Variants in PLCXD3 observed in about 807,000 individuals in gnomAD.
PLCXD3 encodes the protein PI-PLC X domain-containing protein 3.
A neutral mutation model predicts 25.5 loss-of-function variants in PLCXD3; 19 were observed. The observed-to-expected ratio is 0.75, with a 90% CI of 0.52 to 1.09. The LOEUF (loss-of-function observed/expected upper bound fraction) is 1.09, where lower values mean the gene tolerates loss of function less well. Among genes scored for constraint, PLCXD3 ranks in the 50% least tolerant of loss-of-function variants. PLCXD3 has a pLI of 0.00. For missense variants in PLCXD3, 411 were observed against 388.1 expected, an observed-to-expected ratio of 1.06 and a Z score of -0.50; for synonymous variants, 174 against 137.6, an observed-to-expected ratio of 1.26 and a Z score of -1.85.
At chr5:41,444,670 GATA>G (rs750330433) in intron 1 of PLCXD3, among the ~76,000 whole-genome samples, 1 of 151,982 alleles carries the variant, frequency 6.6e-6, no homozygotes, top group Non-Finnish European at 1.5e-5. Context: ...CATAATTACA[GATA>G]ATGATGTTAA....
At chr5:41,485,890 A>G (rs1482165972) in intron 1 of PLCXD3, among the ~76,000 whole-genome samples, 1 of 151,958 alleles carries the variant, frequency 6.6e-6, no homozygotes, top group Admixed American at 6.6e-5. Context: ...GATGTTCCAA[A>G]TTTTTTTTAG....
At chr5:41,501,075 T>C (rs574846101) in intron 1 of PLCXD3, among the ~76,000 whole-genome samples, 3 of 152,076 alleles carry the variant, frequency 2.0e-5, no homozygotes, top group African/African-American at 7.2e-5. Context: ...CAAGGATGTA[T>C]AGAAATTGCA....
chr5:41,434,015 A>G (rs1747176546), intron 1 of PLCXD3, among the ~76,000 whole-genome samples: 1 of 152,226 alleles, frequency 6.6e-6, no homozygotes. Flanking sequence ...GGGATGGCCC[A>G]GGCATTGCAA....
At chr5:41,337,089 G>T (rs535340602) in intron 2 of PLCXD3, among the ~76,000 whole-genome samples, 1 of 152,112 alleles carries the variant, frequency 6.6e-6, no homozygotes, top group Non-Finnish European at 1.5e-5. Context: ...AATGCCACCA[G>T]GGTAGGTTTT....
intron 1 of PLCXD3, among the ~76,000 whole-genome samples, chr5:41,481,102 TAA>T (rs554092157): frequency 3.6e-4 from 26 of 72,896 alleles, no homozygotes; most frequent in South Asian, 2.5e-3. Context: ...ACCTAATTTG[TAA>T]AAAAAAAAAA....
chr5:41,338,408 C>T (rs1421137466), intron 2 of PLCXD3, among the ~76,000 whole-genome samples: 1 of 151,928 alleles, frequency 6.6e-6, no homozygotes, highest in Non-Finnish European at 1.5e-5. Flanking sequence ...TTTATTTGAC[C>T]TGAGAATAGC....
chr5:41,357,946 C>T (rs951748287), intron 2 of PLCXD3, among the ~76,000 whole-genome samples: 4 of 152,066 alleles, frequency 2.6e-5, no homozygotes, highest in Admixed American at 6.5e-5. Context: ...TAAAGTAAAC[C>T]TAATTATTCT....
chr5:41,387,089 T>C (rs954592037), intron 1 of PLCXD3, among the ~76,000 whole-genome samples: 1 of 152,086 alleles, frequency 6.6e-6, no homozygotes, highest in Admixed American at 6.6e-5. Flanking sequence ...CATCTGTTAA[T>C]CTGTCCATTG....
At chr5:41,501,417 CGAACT>C (rs1448776217) in intron 1 of PLCXD3, among the ~76,000 whole-genome samples, 5 of 151,932 alleles carry the variant, frequency 3.3e-5, no homozygotes. Flanking sequence ...AGACATTATG[CGAACT>C]GAAATAAACC....
intron 2 of PLCXD3, among the ~76,000 whole-genome samples, chr5:41,346,963 C>T (rs182110136): frequency 2.3e-4 from 35 of 152,346 alleles, no homozygotes; most frequent in Non-Finnish European, 3.8e-4. Context: ...CTGTTATCAA[C>T]ATCCACGTGC....
intron 1 of PLCXD3, among the ~76,000 whole-genome samples, chr5:41,405,923 AT>A (rs906005707): frequency 6.6e-6 from 1 of 152,098 alleles, no homozygotes; most frequent in Non-Finnish European, 1.5e-5. Context: ...CCCCAGCAAA[AT>A]GCCATTGATG....
intron 2 of PLCXD3, among the ~76,000 whole-genome samples, chr5:41,370,282 G>A (rs1421462653): frequency 1.3e-5 from 2 of 152,154 alleles, no homozygotes; most frequent in South Asian, 2.1e-4. Flanking sequence ...AGAGCCAGAA[G>A]ATCTGTGCTG....
intron 2 of PLCXD3, among the ~76,000 whole-genome samples, chr5:41,322,216 C>T (rs1304882459): frequency 1.3e-5 from 2 of 152,130 alleles, no homozygotes; most frequent in African/African-American, 4.8e-5. Flanking sequence ...ATATAAGGAA[C>T]TTGAACAACT....
intron 1 of PLCXD3, among the ~76,000 whole-genome samples, chr5:41,447,432 T>A (rs1185929690): frequency 1.3e-5 from 2 of 152,214 alleles, no homozygotes; most frequent in Non-Finnish European, 2.9e-5. Flanking sequence ...ATTTTCAATA[T>A]CAAATCATGT....
At chr5:41,340,332 C>A (rs1446833072) in intron 2 of PLCXD3, among the ~76,000 whole-genome samples, 1 of 152,102 alleles carries the variant, frequency 6.6e-6, no homozygotes, top group African/African-American at 2.4e-5. Context: ...ACTGAAATAT[C>A]AAAATTATCC....
chr5:41,391,171 C>G (rs1369230891), intron 1 of PLCXD3, among the ~76,000 whole-genome samples: 1 of 152,116 alleles, frequency 6.6e-6, no homozygotes, highest in African/African-American at 2.4e-5. Context: ...AGTCCTATAG[C>G]TGAATTCAGC....
chr5:41,317,107 G>C (rs535102818), intron 2 of PLCXD3, among the ~76,000 whole-genome samples: 1 of 152,344 alleles, frequency 6.6e-6, no homozygotes, highest in African/African-American at 2.4e-5. Context: ...TCATAGTAGT[G>C]GTGGCCACAG....
At chr5:41,327,036 G>A (rs1743649315) in intron 2 of PLCXD3, among the ~76,000 whole-genome samples, 1 of 152,138 alleles carries the variant, frequency 6.6e-6, no homozygotes, top group African/African-American at 2.4e-5. Flanking sequence ...TTACTTGGGA[G>A]AAACTAAGGA....
chr5:41,367,152 C>T (rs985472855), intron 2 of PLCXD3, among the ~76,000 whole-genome samples: 2 of 152,044 alleles, frequency 1.3e-5, no homozygotes, highest in African/African-American at 4.8e-5. Flanking sequence ...TGGGTATGTA[C>T]CCAGTAATGA....
Sources: allele counts gnomAD v4.1 joint callset (sites outside exome capture counted in the v4.1 genomes callset), GRCh38; gene constraint gnomAD v4.1.1; transcripts MANE v1.5; gene names NCBI Gene and HGNC (gene_info 2026-07-23, HGNC 2026-07-21).